The following APBA1 variants were observed in gnomAD, a reference collection of about 807,000 sequenced individuals.
The protein encoded by APBA1 is amyloid-beta A4 precursor protein-binding family A member 1.
In APBA1, 55 loss-of-function variants were observed where a neutral mutation model predicts 86.6. The ratio of observed to expected loss-of-function variants is 0.64; its 90% CI spans 0.51 to 0.80. APBA1 has a LOEUF of 0.80. Among genes scored for constraint, APBA1 ranks in the 30% least tolerant of loss-of-function variants. The probability of loss-of-function intolerance (pLI) is 0.00; values close to 1 mark genes in which losing one functional copy is unlikely to be tolerated. For missense variants in APBA1, 1,090 were observed against 1,183.0 expected (o/e 0.92, Z 1.15); for synonymous variants, 511 against 493.9 (o/e 1.03, Z -0.46).
intron 2 of APBA1, among the ~76,000 whole-genome samples, chr9:69,496,194 C>T (rs1283260744): frequency 3.3e-5 from 5 of 152,106 alleles, no homozygotes; most frequent in Non-Finnish European, 7.4e-5. Context: ...AGAGAGACCT[C>T]TGCAGAGAGA....
At chr9:69,431,491 C>A (rs979528070) in intron 12 of APBA1, 93 bp from the exon 13 acceptor site, 12 of 1,103,332 alleles carry the variant, frequency 1.1e-5, no homozygotes, top group Non-Finnish European at 1.6e-5. Flanking sequence ...CAGTGCCTCT[C>A]CCACAGAGGG....
intron 11 of APBA1, among the ~76,000 whole-genome samples, chr9:69,434,119 A>G (rs1220512887): frequency 2.6e-5 from 4 of 152,202 alleles, no homozygotes; most frequent in South Asian, 2.1e-4. Context: ...TCGAGTCCCA[A>G]TTGTGACTGT....
intron 2 of APBA1, among the ~76,000 whole-genome samples, chr9:69,490,477 T>C (rs938864098): frequency 3.3e-5 from 5 of 150,904 alleles, no homozygotes; most frequent in Non-Finnish European, 7.4e-5. Flanking sequence ...AGTATAATAA[T>C]AATAAAATTT....
chr9:69,511,694 C>G (rs1470003849), intron 2 of APBA1, among the ~76,000 whole-genome samples: 1 of 151,914 alleles, frequency 6.6e-6, no homozygotes, highest in Non-Finnish European at 1.5e-5. Flanking sequence ...CAATGACAGA[C>G]TGGATTAAGA....
At position 69,599,679 on chromosome 9, in the gene APBA1, A is replaced by AC. The variant is rs543661223; in HGVS notation, c.-70+72473dup. ...CCCCTGGACCAGTAGCACCAGCAGT[A>AC]CCCAGGAATGTGTTGAAAGTGTGAA... is the stretch of plus-strand genomic sequence containing the variant. On this transcript the variant is annotated intron_variant, in intron 1 of 12. Coordinates refer to ENST00000265381, the MANE Select transcript of APBA1 (RefSeq NM_001163.4). 6.1e-3 allele frequency among the ~76,000 whole-genome samples: 936 copies of AC among 152,310 alleles called. 10 individuals are homozygous for AC. Among genetic ancestry groups the AC allele is most frequent in the African/African-American group, 0.021 (891 of 41,566 alleles).
Position 69,512,374 on chromosome 9 carries a change from T to C in APBA1, c.1200+3637A>G, listed in dbSNP as rs535656900. 3.3e-5 allele frequency among the ~76,000 whole-genome samples: 5 copies of C among 152,304 alleles called. No individual in the cohort carries two copies. In the South Asian group the frequency reaches 1.0e-3, roughly 32 times the overall value. On this transcript the variant is annotated intron_variant, in intron 2 of 12. Coordinates refer to ENST00000265381, the MANE Select transcript of APBA1 (RefSeq NM_001163.4). The stretch of plus-strand genomic sequence containing the variant: ...CCAGTTTGCTCCAAGAAAAAAGCAC[T>C]TAAGTTCTGGGGGAATTAAAAGTAG...
At chr9:69,602,265 C>T (rs1822365339) in intron 1 of APBA1, among the ~76,000 whole-genome samples, 1 of 152,136 alleles carries the variant, frequency 6.6e-6, no homozygotes, top group Non-Finnish European at 1.5e-5. Context: ...ACATCTTCAT[C>T]ACCTCCAAAA....
chr9:69,541,547 A>ATTTTTTTTTTTTTTTTTT (rs11461593), intron 1 of APBA1, among the ~76,000 whole-genome samples: 1 of 142,102 alleles, frequency 7.0e-6, no homozygotes, highest in African/African-American at 2.6e-5. Context: ...TCTTTTTTGC[A>ATTTTTTTTTTTTTTTTTT]TTTTTTTTTT....
chr9:69,512,143 T>C (rs898181857), intron 2 of APBA1, among the ~76,000 whole-genome samples: 4 of 152,036 alleles, frequency 2.6e-5, no homozygotes, highest in African/African-American at 9.6e-5. Flanking sequence ...TCATTATCAA[T>C]ATTTTTCAAG....
rs187240470 is a variant in APBA1 at position 69,576,721 on chromosome 9, G to C, written c.-69-59442C>G. 8.5e-3 allele frequency among the ~76,000 whole-genome samples: 1,294 copies of C among 152,212 alleles called. 17 individuals carry two copies. Among genetic ancestry groups the C allele is most frequent in the African/African-American group, 0.029 (1,221 of 41,532 alleles). ...GGGCCTGTTGTGGGGTAGGGGGAGC[G>C]GGGAGGGATAGCATTAGGAGATATA... is the stretch of plus-strand genomic sequence containing the variant. On this transcript the variant is annotated intron_variant, in intron 1 of 12. Transcript: ENST00000265381.
Position 69,658,843 on chromosome 9 carries a change from C to A in APBA1, c.-70+13310G>T, listed in dbSNP as rs558701536. Among the ~76,000 whole-genome samples, 40 of 152,224 alleles carry A rather than the reference C, an allele frequency of 2.6e-4. 1 individual carries two copies. The highest frequency in any genetic ancestry group is 3.4e-3 in the Middle Eastern group (1 of 294). On this transcript the variant is annotated intron_variant, in intron 1 of 12. Coordinates refer to ENST00000265381, the MANE Select transcript of APBA1 (RefSeq NM_001163.4). ...ATTTATGTCCCCACCCAACAGACCCCCTCTCTTAACTGAAGACTGACAGGT... is the reference window on the plus strand; with the variant it reads ...ATTTATGTCCCCACCCAACAGACCCACTCTCTTAACTGAAGACTGACAGGT...
chr9:69,629,698 AT>A (rs1313517922), intron 1 of APBA1, among the ~76,000 whole-genome samples: 1 of 152,212 alleles, frequency 6.6e-6, no homozygotes, highest in Non-Finnish European at 1.5e-5. Context: ...CATATTACAT[AT>A]TCATTGAGCA....
chr9:69,654,138 G>A (rs946721763), intron 1 of APBA1, among the ~76,000 whole-genome samples: 6 of 148,232 alleles, frequency 4.0e-5, no homozygotes, highest in Admixed American at 1.3e-4. Context: ...AAAAAAGAGG[G>A]AAGTTTATAG....
intron 1 of APBA1, among the ~76,000 whole-genome samples, chr9:69,592,211 T>C (rs943280725): frequency 8.5e-5 from 13 of 152,244 alleles, no homozygotes; most frequent in African/African-American, 2.9e-4. Flanking sequence ...GAACAGGAAA[T>C]TGAAGTCCCT....
chr9:69,662,172 T>C (rs954988055), intron 1 of APBA1, among the ~76,000 whole-genome samples: 4 of 152,162 alleles, frequency 2.6e-5, no homozygotes, highest in Non-Finnish European at 5.9e-5. Context: ...AGCAACTGTC[T>C]GGGCCCATTC....
At chr9:69,602,207 T>C (rs985224829) in intron 1 of APBA1, among the ~76,000 whole-genome samples, 1 of 152,208 alleles carries the variant, frequency 6.6e-6, no homozygotes, top group Non-Finnish European at 1.5e-5. Context: ...CAGTGGTTTT[T>C]AGTATGATCA....
intron 1 of APBA1, among the ~76,000 whole-genome samples, chr9:69,526,901 A>C (rs999401326): frequency 1.3e-5 from 2 of 152,042 alleles, no homozygotes; most frequent in Non-Finnish European, 1.5e-5. Flanking sequence ...GCAGCCATGA[A>C]AAAGAGTGAA....
rs1834523014 is a variant in APBA1 at position 69,428,262 on chromosome 9, A to C, written c.*3065T>G. ...TAGTAGGTTACTCTGGGACTCCCTGAAGGCGGTGTTGATGGGCAATGTTCA... is the reference window on the plus strand; with the variant it reads ...TAGTAGGTTACTCTGGGACTCCCTGCAGGCGGTGTTGATGGGCAATGTTCA... On this transcript the variant is annotated 3_prime_UTR_variant, in exon 13 of 13. Coordinates refer to ENST00000265381, the MANE Select transcript of APBA1 (RefSeq NM_001163.4). 6.6e-6 allele frequency: 1 copy of C among 152,328 alleles called. No homozygotes were observed. Among genetic ancestry groups the C allele is most frequent in the South Asian group, 2.1e-4 (1 of 4,828 alleles). 9.4% of individuals were successfully genotyped at this position (152,328 alleles called of 1,614,324 possible). A position where few individuals can be genotyped will look rare whatever the true frequency, so the allele number is the denominator to read the frequency against.
intron 2 of APBA1, among the ~76,000 whole-genome samples, chr9:69,483,886 A>C (rs1010472594): frequency 1.3e-5 from 2 of 152,116 alleles, no homozygotes; most frequent in African/African-American, 4.8e-5. Flanking sequence ...AAACACACAC[A>C]ACTTTTATTT....
Sources: gnomAD v4.1 joint callset for allele counts (sites outside exome capture counted in the v4.1 genomes callset) on GRCh38, gnomAD v4.1.1 for gene constraint, MANE v1.5 for transcripts, NCBI Gene and HGNC (gene_info 2026-07-23, HGNC 2026-07-21) for gene names.